The following HMCN1 variants were observed in gnomAD, a reference collection of about 807,000 sequenced individuals.
The protein encoded by HMCN1 is hemicentin 1.
In HMCN1, 321 loss-of-function variants were observed where a neutral mutation model predicts 625.9. The ratio of observed to expected loss-of-function variants is 0.51; its 90% CI spans 0.47 to 0.56. The LOEUF is 0.56. Ranked by LOEUF, HMCN1 falls within the 20% of genes least tolerant of loss-of-function variation. The pLI, the probability that HMCN1 is intolerant of heterozygous loss-of-function variation, is 0.00. For synonymous variants in HMCN1, 2,425 were observed against 2,417.6 expected (o/e 1.00, Z -0.09); for missense variants, 6,588 against 6,887.3 (o/e 0.96, Z 1.54).
At chr1:186,154,053 A>C (rs1385880533) in intron 97 of HMCN1, 66 bp downstream of exon 97, 8 of 1,301,664 alleles carry the variant, frequency 6.1e-6, no homozygotes, top group Non-Finnish European at 8.9e-6. Flanking sequence ...AAAATTCAAA[A>C]TAAGGACATT....
intron 6 of HMCN1, among the ~76,000 whole-genome samples, chr1:185,914,888 G>A (rs1189347112): frequency 6.6e-6 from 1 of 151,934 alleles, no homozygotes; most frequent in Non-Finnish European, 1.5e-5. Context: ...CAGTGCCTGA[G>A]AAAGAACTAT....
At chr1:185,796,632 G>C (rs867022611) in intron 1 of HMCN1, among the ~76,000 whole-genome samples, 2,679 of 151,830 alleles carry the variant, frequency 0.018, 80 homozygotes, top group African/African-American at 0.062. Context: ...GTGTCTGTGT[G>C]TGTGTGTGTG....
At chr1:186,147,591 A>T (rs1054283474) in intron 93 of HMCN1, among the ~76,000 whole-genome samples, 2 of 152,168 alleles carry the variant, frequency 1.3e-5, no homozygotes, top group Admixed American at 1.3e-4. Context: ...AATATATAAT[A>T]TAAGCATACC....
chr1:186,095,922 A>C (rs1173648286), intron 68 of HMCN1, among the ~76,000 whole-genome samples: 1 of 152,178 alleles, frequency 6.6e-6, no homozygotes, highest in Non-Finnish European at 1.5e-5. Context: ...TAGCTGGAAT[A>C]ATCATTTCAA....
chr1:185,916,647 A>C (rs1017009583), intron 6 of HMCN1, among the ~76,000 whole-genome samples: 2 of 152,188 alleles, frequency 1.3e-5, no homozygotes, highest in African/African-American at 4.8e-5. Context: ...CTATTTTATA[A>C]AACATTGAAA....
At chr1:185,861,602 AT>A (rs1281025792) in intron 2 of HMCN1, among the ~76,000 whole-genome samples, 2 of 152,208 alleles carry the variant, frequency 1.3e-5, no homozygotes, top group Non-Finnish European at 2.9e-5. Flanking sequence ...GATTATTTCT[AT>A]CCAATATACC....
chr1:185,894,783 G>A lies in HMCN1; in HGVS notation c.622-14554G>A, dbSNP rs1398736420. Among the ~76,000 whole-genome samples the A allele has an allele frequency of 2.0e-5, 3 of 152,132 alleles. No individual in the cohort carries two copies. The East Asian group carries it at 5.8e-4, about 29-fold the overall frequency. On this transcript the variant is annotated intron_variant, in intron 4 of 106. Coordinates refer to ENST00000271588, the MANE Select transcript of HMCN1 (RefSeq NM_031935.3). ...TTGGATTTTCTTTGAGAAATATGGT[G>A]ACAATTATAGAAGACAAGTACTTTA...
At chr1:185,787,810 A>G (rs1657730418) in intron 1 of HMCN1, among the ~76,000 whole-genome samples, 1 of 152,276 alleles carries the variant, frequency 6.6e-6, no homozygotes, top group South Asian at 2.1e-4. Flanking sequence ...CATTTTTTCT[A>G]TATTTCTATA....
chr1:185,872,777 A>G (rs1229673236), intron 4 of HMCN1, among the ~76,000 whole-genome samples: 1 of 152,154 alleles, frequency 6.6e-6, no homozygotes, highest in African/African-American at 2.4e-5. Context: ...TTGAAGCACT[A>G]GTTATAAACT....
rs1653645451 is a variant in HMCN1 at position 186,190,349 on chromosome 1, A to G, written c.*471A>G. On this transcript the variant is annotated 3_prime_UTR_variant, in exon 107 of 107. Coordinates refer to ENST00000271588, the MANE Select transcript of HMCN1 (RefSeq NM_031935.3). The stretch of plus-strand genomic sequence containing the variant: ...ATAACTTACGGAGATTTTTGTAAGT[A>G]TTGATACATTATAATAGGACTTGCC... The G allele has an allele frequency of 9.3e-6, 2 of 215,096 alleles. No individual in the cohort carries two copies. Among genetic ancestry groups the G allele is most frequent in the African/African-American group, 4.6e-5 (2 of 43,488 alleles). The allele number at this position is 215,096 out of a possible 1,614,324, so 13.3% of individuals were successfully genotyped here. A position where few individuals can be genotyped will look rare whatever the true frequency, so the allele number is the denominator to read the frequency against.
intron 35 of HMCN1, among the ~76,000 whole-genome samples, chr1:186,021,348 G>A (rs535172559): frequency 6.6e-6 from 1 of 152,068 alleles, no homozygotes; most frequent in Admixed American, 6.6e-5. Flanking sequence ...AGATTTTGGG[G>A]GGTTAAGGTG....
At chr1:186,142,670 C>T (rs1650044624) in intron 89 of HMCN1, among the ~76,000 whole-genome samples, 2 of 152,212 alleles carry the variant, frequency 1.3e-5, no homozygotes, top group East Asian at 1.9e-4. Context: ...ATAAAAGAAA[C>T]ACTTGAACTC....
Position 185,855,433 on chromosome 1 carries a change from T to C in HMCN1, c.340-9037T>C, listed in dbSNP as rs115030537. On this transcript the variant is annotated intron_variant, in intron 2 of 106. Transcript: ENST00000271588. The stretch of plus-strand genomic sequence containing the variant: ...GTTAACCCTGCCTGCTTCTTCTTTT[T>C]ATTCTTGGTTGTCTCCATCCTATTT... Among the ~76,000 whole-genome samples, 1,166 of 152,316 alleles carry C rather than the reference T, an allele frequency of 7.7e-3. 13 individuals carry two copies. The highest frequency in any genetic ancestry group is 0.027 in the African/African-American group (1,116 of 41,566).
At chr1:186,182,031 A>G (rs2102666863) in intron 104 of HMCN1, 137 bp from the exon 105 acceptor site, 1 of 891,654 alleles carries the variant, frequency 1.1e-6, no homozygotes. Flanking sequence ...AATAGCTCTG[A>G]GCATTTTTTA....
intron 1 of HMCN1, among the ~76,000 whole-genome samples, chr1:185,773,826 A>G (rs750696094): frequency 2.0e-5 from 3 of 152,196 alleles, no homozygotes; most frequent in Non-Finnish European, 4.4e-5. Flanking sequence ...TAAGAGCTGT[A>G]AAAGATTTCA....
In HMCN1 at chr1:186,189,690, G is replaced by A. The variant is rs925403537; in HGVS notation, c.16720G>A (p.Glu5574Lys). The A allele has an allele frequency of 4.3e-6, 7 of 1,612,878 alleles. No individual in the cohort carries two copies. Among genetic ancestry groups the A allele is most frequent in the Non-Finnish European group, 5.9e-6 (7 of 1,179,116 alleles). The part of the protein sequence containing the change: ...HPRTTFLMVD[E>K]EQTVPFALRD... The stretch of plus-strand genomic sequence containing the variant: ...CAGGACAACTTTCCTCATGGTAGAT[G>A]AGGAACAGACTGTTCCTTTTGCCTT... Residue 5574 changes from glutamate (E) to lysine (K), a missense_variant, in exon 107 of 107, where the codon GAG becomes AAG. By Grantham distance (56) the Glu-to-Lys change is moderately conservative (BLOSUM62 1). Coordinates refer to ENST00000271588, the MANE Select transcript of HMCN1 (RefSeq NM_031935.3).
chr1:185,737,187 C>T (rs1277320166), intron 1 of HMCN1, among the ~76,000 whole-genome samples: 1 of 151,202 alleles, frequency 6.6e-6, no homozygotes, highest in Non-Finnish European at 1.5e-5. Context: ...CAGGGTCTCA[C>T]TCTGGCACCC....
In HMCN1 at chr1:185,987,133, C is replaced by CA. The variant is rs551639173; in HGVS notation, c.2936-286dup. On this transcript the variant is annotated intron_variant, in intron 19 of 106. Transcript: ENST00000271588. ...GTGCAATTCTGTCTTGGGTTTCCAG[C>CA]AAAAAAAAAAAAAGAATTTTCTTCA... Among the ~76,000 whole-genome samples the CA allele has an allele frequency of 2.5e-3, 307 of 124,554 alleles. 1 individual carries two copies. The highest frequency in any genetic ancestry group is 0.021 in the Middle Eastern group (5 of 242). 81.7% of individuals were successfully genotyped at this position (124,554 alleles called of 152,430 possible).
At position 186,075,025 on chromosome 1, in the gene HMCN1, TC is replaced by T. The variant is rs1299354894; in HGVS notation, c.8290+135del. On this transcript the variant is annotated intron_variant, in intron 53 of 106. Transcript: ENST00000271588. ...TAAATTCATGATTGAAAATTTAGAC[TC>T]GAGAATTAAAGAAGGAAATAATCCC... 15 of 746,250 alleles carry T rather than the reference TC, an allele frequency of 2.0e-5. No homozygotes were observed. In the African/African-American group the frequency reaches 2.5e-4, roughly 12 times the overall value. The allele number at this position is 746,250 out of a possible 1,614,324, so 46.2% of individuals were successfully genotyped here. A position where few individuals can be genotyped will look rare whatever the true frequency, so the allele number is the denominator to read the frequency against.
Sources: allele counts gnomAD v4.1 joint callset (sites outside exome capture counted in the v4.1 genomes callset), GRCh38; gene constraint gnomAD v4.1.1; transcripts MANE v1.5; gene names NCBI Gene and HGNC (gene_info 2026-07-23, HGNC 2026-07-21).